The following CRYBA4 variants were observed in gnomAD, a reference collection of about 807,000 sequenced individuals.
The protein encoded by CRYBA4 is beta-crystallin A4.
In CRYBA4, 30 loss-of-function variants were observed where a neutral mutation model predicts 31.7. The observed-to-expected ratio is 0.95, with a 90% CI of 0.71 to 1.28. The LOEUF (loss-of-function observed/expected upper bound fraction) is 1.28. CRYBA4 is among the 50% of genes most tolerant of loss of function. The pLI is 0.00. For missense variants in CRYBA4, 225 were observed against 260.7 expected, an observed-to-expected ratio of 0.86 and a Z score of 0.94; for synonymous variants, 102 against 102.3, an observed-to-expected ratio of 1.00 and a Z score of 0.02.
intron 4 of CRYBA4, among the ~76,000 whole-genome samples, chr22:26,626,693 A>G (rs777798326): frequency 6.6e-6 from 1 of 152,186 alleles, no homozygotes; most frequent in Non-Finnish European, 1.5e-5. Flanking sequence ...TACTGCAGTG[A>G]GCATTCTTTG....
chr22:26,610,048 C>T, the CRYBA4 span, among the ~76,000 whole-genome samples: 1 of 2,678 alleles, frequency 3.7e-4, no homozygotes, highest in Admixed American at 6.3e-3. Flanking sequence ...GTCTTGCCAC[C>T]ATGCCCAAGT....
the CRYBA4 span, chr22:26,602,146 A>G: frequency 1.6e-5 from 19 of 1,197,582 alleles, no homozygotes; most frequent in Non-Finnish European, 2.2e-5. Context: ...GGGACTCTCC[A>G]GGGACCACTG....
At chr22:26,627,831 A>G (rs1215453763) in intron 4 of CRYBA4, among the ~76,000 whole-genome samples, 3 of 152,068 alleles carry the variant, frequency 2.0e-5, no homozygotes, top group African/African-American at 7.2e-5. Flanking sequence ...TGTATTTAGT[A>G]GAGACAGGGT....
At chr22:26,604,075 C>T in the CRYBA4 span, among the ~76,000 whole-genome samples, 4 of 152,334 alleles carry the variant, frequency 2.6e-5, no homozygotes, top group East Asian at 1.9e-4. Flanking sequence ...TCCATCTTTT[C>T]AAAAGTCATC....
chr22:26,616,766 T>G, the CRYBA4 span, among the ~76,000 whole-genome samples: 1 of 152,162 alleles, frequency 6.6e-6, no homozygotes, highest in African/African-American at 2.4e-5. Flanking sequence ...CATCTGACCA[T>G]GAACCTCACC....
At chr22:26,606,252 A>G in the CRYBA4 span, among the ~76,000 whole-genome samples, 2 of 152,194 alleles carry the variant, frequency 1.3e-5, no homozygotes, top group African/African-American at 2.4e-5. Flanking sequence ...GGTGGGGTCT[A>G]GGCTTTGAGA....
chr22:26,597,706 T>A, the CRYBA4 span, among the ~76,000 whole-genome samples: 6 of 152,166 alleles, frequency 3.9e-5, no homozygotes, highest in Non-Finnish European at 8.8e-5. Flanking sequence ...AACAATAGTG[T>A]CTGGCACAGA....
At chr22:26,625,110 G>A (rs977599521) in intron 3 of CRYBA4, among the ~76,000 whole-genome samples, 6 of 152,202 alleles carry the variant, frequency 3.9e-5, no homozygotes, top group African/African-American at 1.4e-4. Flanking sequence ...GGACGGAGGA[G>A]CAAGGTTGTC....
intron 3 of CRYBA4, among the ~76,000 whole-genome samples, chr22:26,624,153 T>C (rs905919346): frequency 6.6e-6 from 1 of 151,934 alleles, no homozygotes; most frequent in African/African-American, 2.4e-5. Flanking sequence ...CTCTAGAAGT[T>C]TGGAAAGTAG....
At chr22:26,624,160 G>T (rs1929632007) in intron 3 of CRYBA4, among the ~76,000 whole-genome samples, 1 of 152,172 alleles carries the variant, frequency 6.6e-6, no homozygotes, top group Admixed American at 6.5e-5. Context: ...AGTTTGGAAA[G>T]TAGTTGGAAA....
In CRYBA4 at chr22:26,622,006, G is replaced by C; in HGVS notation, c.-13+20G>C. 1.0e-6 allele frequency: 1 copy of C among 986,112 alleles called. No individual in the cohort carries two copies. Among genetic ancestry groups the C allele is most frequent in the Non-Finnish European group, 1.2e-6 (1 of 830,034 alleles). The allele number at this position is 986,112 out of a possible 1,614,324, so 61.1% of individuals were successfully genotyped here. A position where few individuals can be genotyped will look rare whatever the true frequency, so the allele number is the denominator to read the frequency against. ...ATCTCGGTAAGTCCCAGGTTTGGAG[G>C]AGGGGTGGGATCAGAGTTCTGAGTG... On this transcript the variant is annotated intron_variant, in intron 1 of 5. Coordinates refer to ENST00000354760, the MANE Select transcript of CRYBA4 (RefSeq NM_001886.3).
the CRYBA4 span, among the ~76,000 whole-genome samples, chr22:26,598,830 C>T: frequency 6.6e-6 from 1 of 152,098 alleles, no homozygotes; most frequent in Non-Finnish European, 1.5e-5. Flanking sequence ...GGCATGCAGA[C>T]AGTGCAAAAA....
the CRYBA4 span, chr22:26,599,727 A>C: frequency 2.8e-6 from 4 of 1,447,254 alleles, no homozygotes; most frequent in East Asian, 4.6e-5. Context: ...GTTGCCTGGC[A>C]CCCAGACCCC....
Position 26,630,509 on chromosome 22 carries a change from G to C in CRYBA4, c.*22G>C. 1 of 1,605,894 alleles carries C rather than the reference G, an allele frequency of 6.2e-7. No homozygotes were observed. The highest frequency in any genetic ancestry group is 2.2e-5 in the East Asian group (1 of 44,848). ...GTGAACAGGGGTGCGGCACGGAGGA[G>C]CGCATGCGTGCTTATCTGCAATGGA... On this transcript the variant is annotated 3_prime_UTR_variant, in exon 6 of 6. Coordinates refer to ENST00000354760, the MANE Select transcript of CRYBA4 (RefSeq NM_001886.3).
At chr22:26,615,524 T>C in the CRYBA4 span, among the ~76,000 whole-genome samples, 8 of 149,180 alleles carry the variant, frequency 5.4e-5, no homozygotes, top group African/African-American at 7.3e-5. Flanking sequence ...ATTCTTTTCT[T>C]TTTTTTTTTG....
chr22:26,594,845 A>G, the CRYBA4 span, among the ~76,000 whole-genome samples: 1 of 152,342 alleles, frequency 6.6e-6, no homozygotes, highest in East Asian at 1.9e-4. Context: ...TTCCGTCAAT[A>G]TTAAACTTGG....
At chr22:26,615,806 GCCCGGC>G in the CRYBA4 span, among the ~76,000 whole-genome samples, 5 of 152,142 alleles carry the variant, frequency 3.3e-5, no homozygotes, top group African/African-American at 1.2e-4. Context: ...GAGCCACTGC[GCCCGGC>G]CCCACTTTCT....
the CRYBA4 span, among the ~76,000 whole-genome samples, chr22:26,610,017 G>T: frequency 6.7e-6 from 1 of 149,084 alleles, no homozygotes; most frequent in African/African-American, 2.5e-5. Context: ...CTAGGCTTCT[G>T]GAAAAACAGA....
At chr22:26,615,978 G>A in the CRYBA4 span, among the ~76,000 whole-genome samples, 1 of 152,102 alleles carries the variant, frequency 6.6e-6, no homozygotes. Context: ...AGAAGAAAAG[G>A]GAGAGTAAAT....
Sources: allele counts gnomAD v4.1 joint callset (sites outside exome capture counted in the v4.1 genomes callset), GRCh38; gene constraint gnomAD v4.1.1; transcripts MANE v1.5; gene names NCBI Gene and HGNC (gene_info 2026-07-23, HGNC 2026-07-21).